Variants in ZIM3 observed in about 807,000 individuals in gnomAD.
ZIM3 encodes zinc finger imprinted 3.
Under a neutral mutation model 12.9 loss-of-function variants are expected in ZIM3, and 11 were observed. The ratio of observed to expected loss-of-function variants is 0.85; its 90% CI spans 0.54 to 1.41. ZIM3 has a LOEUF of 1.41. ZIM3 is among the 40% of genes most tolerant of loss of function. The pLI is 0.00. For synonymous variants in ZIM3, 205 were observed against 198.5 expected, an observed-to-expected ratio of 1.03 and a Z score of -0.28; for missense variants, 604 against 557.2, an observed-to-expected ratio of 1.08 and a Z score of -0.85.
In ZIM3 at chr19:57,135,078, C is replaced by T; in HGVS notation, c.1259G>A (p.Arg420Lys). Residue 420 changes from arginine to lysine, a missense_variant, in exon 5 of 5, where the codon AGA (arginine) becomes AAA (lysine). Coordinates refer to ENST00000269834, the MANE Select transcript of ZIM3 (RefSeq NM_052882.1). ...GAAGGTTTTTCCACATTCACTACAT[C>T]TATAGGTCCTCTCTCCGCTATGAGT... ...QKTHSGERTY[R>K]CSECGKTFIR... is the part of the protein sequence containing the mutation. 1 of 1,614,174 alleles carries T rather than the reference C, an allele frequency of 6.2e-7. No individual in the cohort carries two copies. The highest frequency in any genetic ancestry group is 8.5e-7 in the Non-Finnish European group (1 of 1,180,026).
intron 2 of ZIM3, among the ~76,000 whole-genome samples, chr19:57,140,501 T>C (rs2086909199): frequency 6.9e-6 from 1 of 145,808 alleles, no homozygotes; most frequent in African/African-American, 2.6e-5. Context: ...TTGACACAGG[T>C]TCTTGCTCTG....
Position 57,138,652 on chromosome 19 carries a change from A to G in ZIM3, c.16-54T>C, listed in dbSNP as rs2086900875. 5 of 1,592,782 alleles carry G rather than the reference A, an allele frequency of 3.1e-6. No individual in the cohort carries two copies. In the Admixed American group the frequency reaches 8.6e-5, roughly 27 times the overall value. ...AAAATGCCATTGAATCCTGCGGCTGAGGATACAGAAACTTGTTTCTGCTGA... is the reference window on the plus strand; with the variant it reads ...AAAATGCCATTGAATCCTGCGGCTGGGGATACAGAAACTTGTTTCTGCTGA... On this transcript the variant is annotated intron_variant, in intron 2 of 4. Coordinates refer to ENST00000269834, the MANE Select transcript of ZIM3 (RefSeq NM_052882.1).
chr19:57,141,242 A>G, intron 2 of ZIM3, among the ~76,000 whole-genome samples: 1 of 151,986 alleles, frequency 6.6e-6, no homozygotes. Context: ...TAAAAATACA[A>G]AAATTAGCCG....
Position 57,141,325 on chromosome 19 carries a change from T to C in ZIM3, c.15+1304A>G, listed in dbSNP as rs375803804. Among the ~76,000 whole-genome samples, 26 of 144,138 alleles carry C rather than the reference T, an allele frequency of 1.8e-4. 1 individual carries two copies. Among genetic ancestry groups the C allele is most frequent in the East Asian group, 1.0e-3 (5 of 4,824 alleles). The allele number at this position is 144,138 out of a possible 152,430, so 94.6% of individuals were successfully genotyped here. On this transcript the variant is annotated intron_variant, in intron 2 of 4. Coordinates refer to ENST00000269834, the MANE Select transcript of ZIM3 (RefSeq NM_052882.1). ...TTGAGGCAGGAGAATCGCTTGAACC[T>C]GGGAGGTGGAGGTTGCAGTGAGCCA...
chr19:57,142,562 C>T, intron 2 of ZIM3, 67 bp downstream of exon 2: 1 of 1,560,934 alleles, frequency 6.4e-7, no homozygotes, highest in Non-Finnish European at 8.8e-7. Context: ...ACAGTTAATT[C>T]TGAGCAAGAG....
At position 57,135,527 on chromosome 19, in the gene ZIM3, C is replaced by G. The variant is rs1323483079; in HGVS notation, c.810G>C (p.Glu270Asp). 6.2e-7 allele frequency: 1 copy of G among 1,614,012 alleles called. No homozygotes were observed. The highest frequency in any genetic ancestry group is 1.7e-5 in the Admixed American group (1 of 60,006). ...FSWKSSCINH[E>D]KIHNAKKSYQ... ...AGGATTTCTTGGCATTATGAATTTT[C>G]TCATGATTAATGCAGGATGATTTCC... The change falls in exon 5 of 5, where the codon GAG (glutamate) becomes GAC (aspartate). Residue 270 changes from glutamate to aspartate, a missense_variant. Transcript: ENST00000269834.
intron 3 of ZIM3, 29 bp downstream of exon 3, chr19:57,138,443 A>T: frequency 6.2e-7 from 1 of 1,613,928 alleles, no homozygotes; most frequent in Non-Finnish European, 8.5e-7. Flanking sequence ...TTAGGTTTTG[A>T]GTCCCCCTGC....
chr19:57,135,540 C>A lies in ZIM3; in HGVS notation c.797G>T (p.Cys266Phe). ...ATTATGAATTTTCTCATGATTAATG[C>A]AGGATGATTTCCAGGAAAAGGCTTT... is the stretch of plus-strand genomic sequence containing the variant. ...CGKAFSWKSS[C>F]INHEKIHNAK... is the part of the protein sequence containing the mutation. The change falls in exon 5 of 5, where the codon TGC becomes TTC. Residue 266 changes from cysteine to phenylalanine, a missense_variant. By Grantham distance (205) the Cys-to-Phe change is radical. Transcript: ENST00000269834. The A allele has an allele frequency of 6.2e-7, 1 of 1,613,886 alleles. No homozygotes were observed. Among genetic ancestry groups the A allele is most frequent in the Non-Finnish European group, 8.5e-7 (1 of 1,179,944 alleles).
intron 2 of ZIM3, among the ~76,000 whole-genome samples, chr19:57,139,120 A>G (rs946780305): frequency 8.5e-5 from 13 of 152,096 alleles, no homozygotes; most frequent in African/African-American, 3.1e-4. Flanking sequence ...TGAGGTCAGG[A>G]GTTCGAGACC....
Position 57,135,822 on chromosome 19 carries a change from C to T in ZIM3, c.515G>A (p.Cys172Tyr), listed in dbSNP as rs2086884008. The change falls in exon 5 of 5, where the codon TGT (cysteine) becomes TAT (tyrosine). Residue 172 changes from cysteine to tyrosine, a missense_variant. Cys to Tyr is a radical substitution (Grantham distance 194). Coordinates refer to ENST00000269834, the MANE Select transcript of ZIM3 (RefSeq NM_052882.1). ...TGACTTTGAACTGAATAACTTTCTA[C>T]AGGCATTACATTTCAGTTGTTGTCC... ...FVGQQLKCNACRKLFSSKSRL... is the reference protein window; with the variant it reads ...FVGQQLKCNAYRKLFSSKSRL... 3 of 1,614,052 alleles carry T rather than the reference C, an allele frequency of 1.9e-6. No homozygotes were observed. The highest frequency in any genetic ancestry group is 1.3e-5 in the African/African-American group (1 of 74,904).
At position 57,135,771 on chromosome 19, in the gene ZIM3, T is replaced by C. The variant is rs2086883712; in HGVS notation, c.566A>G (p.His189Arg). The change falls in exon 5 of 5, where the codon CAT (histidine) becomes CGT (arginine). Residue 189 changes from histidine to arginine, a missense_variant. By Grantham distance (29) the His-to-Arg change is conservative. Coordinates refer to ENST00000269834, the MANE Select transcript of ZIM3 (RefSeq NM_052882.1). ...KSRLQSHLRR[H>R]ACQKPFECHS... ...ACATTCAAAGGGTTTTTGACAGGCA[T>C]GCCTCCTCAGGTGACTTTGAAGGCG... 2 of 1,614,014 alleles carry C rather than the reference T, an allele frequency of 1.2e-6. No homozygotes were observed. Among genetic ancestry groups the C allele is most frequent in the Non-Finnish European group, 1.7e-6 (2 of 1,180,034 alleles).
chr19:57,140,460 G>A (rs2086908972), intron 2 of ZIM3, among the ~76,000 whole-genome samples: 1 of 151,680 alleles, frequency 6.6e-6, no homozygotes, highest in South Asian at 2.1e-4. Context: ...AAAGGGATGA[G>A]CCACCGCACC....
Position 57,135,978 on chromosome 19 carries a change from CAT to C in ZIM3, c.357_358del (p.Cys120Ter). On this transcript the variant is annotated frameshift_variant, in exon 5 of 5. Transcript: ENST00000269834. LOFTEE classifies it low-confidence loss of function (END_TRUNC). ...TGGAAGTATTTTCTTAGATCCGTCA[CAT>C]TCTACACCTTTCTGCGTAGTCAGCG... 1 of 1,614,134 alleles carries C rather than the reference CAT, an allele frequency of 6.2e-7. No individual in the cohort carries two copies. The highest frequency in any genetic ancestry group is 8.5e-7 in the Non-Finnish European group (1 of 1,180,020).
chr19:57,143,267 C>G (rs1046390302), intron 1 of ZIM3, among the ~76,000 whole-genome samples: 3 of 151,014 alleles, frequency 2.0e-5, no homozygotes, highest in African/African-American at 4.9e-5. Flanking sequence ...GGAGGCGGAG[C>G]TTGCAGTGAG....
intron 2 of ZIM3, among the ~76,000 whole-genome samples, chr19:57,140,081 C>T: frequency 6.6e-6 from 1 of 152,204 alleles, no homozygotes; most frequent in East Asian, 1.9e-4. Flanking sequence ...AATCTCACCT[C>T]TAAGAGCCAG....
chr19:57,138,645 G>A, intron 2 of ZIM3, 47 bp from the exon 3 acceptor site: 1 of 1,599,846 alleles, frequency 6.3e-7, no homozygotes, highest in Non-Finnish European at 8.5e-7. Context: ...ATTGAATCCT[G>A]CGGCTGAGGA....
Position 57,135,717 on chromosome 19 carries a change from T to C in ZIM3, c.620A>G (p.Lys207Arg). 3 of 1,613,930 alleles carry C rather than the reference T, an allele frequency of 1.9e-6. No individual in the cohort carries two copies. The highest frequency in any genetic ancestry group is 2.5e-6 in the Non-Finnish European group (3 of 1,179,998). Residue 207 changes from lysine (K) to arginine (R), a missense_variant, in exon 5 of 5, where the codon AAG (lysine) becomes AGG (arginine). Coordinates refer to ENST00000269834, the MANE Select transcript of ZIM3 (RefSeq NM_052882.1). ...TTTCTGATGTTTATCAAGCTTCCAC[T>C]TCTCCCCGAATGCTCTTCCACAGCT... Reference protein sequence around the residue: ...CHSCGRAFGEKWKLDKHQKTH... With the variant: ...CHSCGRAFGERWKLDKHQKTH...
chr19:57,140,171 A>G (rs1258835974), intron 2 of ZIM3, among the ~76,000 whole-genome samples: 12 of 152,006 alleles, frequency 7.9e-5, no homozygotes, highest in African/African-American at 2.4e-4. Flanking sequence ...TTGTTTATTT[A>G]TTAATTTTTT....
intron 1 of ZIM3, among the ~76,000 whole-genome samples, chr19:57,143,069 T>C (rs1205653361): frequency 2.6e-5 from 4 of 152,114 alleles, no homozygotes; most frequent in Non-Finnish European, 4.4e-5. Flanking sequence ...GACTCATGCC[T>C]GTAATGCCAG....
Sources: gnomAD v4.1 joint callset for allele counts (sites outside exome capture counted in the v4.1 genomes callset) on GRCh38, gnomAD v4.1.1 for gene constraint, MANE v1.5 for transcripts, NCBI Gene and HGNC (gene_info 2026-07-23, HGNC 2026-07-21) for gene names.